PPTC7: variants seen among roughly 807,000 people sequenced by gnomAD.
PPTC7 encodes protein phosphatase PTC7 homolog.
In PPTC7, 6 loss-of-function variants were observed where a neutral mutation model predicts 30.8. The observed-to-expected ratio is 0.19, with a 90% CI of 0.11 to 0.38. The LOEUF is 0.38. Ranked by LOEUF, PPTC7 falls within the 10% of genes least tolerant of loss-of-function variation. The pLI is 1.00. For missense variants in PPTC7, 218 were observed against 404.8 expected (o/e 0.54, Z 3.96); for synonymous variants, 163 against 168.1 (o/e 0.97, Z 0.23).
chr12:110,577,654 G>A (rs1219537166), intron 1 of PPTC7, among the ~76,000 whole-genome samples: 4 of 152,178 alleles, frequency 2.6e-5, no homozygotes, highest in Admixed American at 6.5e-5. Context: ...TCCTGACCAC[G>A]ATCAAAATCA....
In PPTC7 at chr12:110,567,224, C is replaced by A. The variant is rs191174397; in HGVS notation, c.224-15256G>T. Among the ~76,000 whole-genome samples the A allele has an allele frequency of 2.1e-3, 318 of 152,330 alleles. 2 individuals are homozygous for A. Among genetic ancestry groups the A allele is most frequent in the Non-Finnish European group, 2.3e-3 (154 of 68,024 alleles). On this transcript the variant is annotated intron_variant, in intron 1 of 5. Coordinates refer to ENST00000354300, the MANE Select transcript of PPTC7 (RefSeq NM_139283.2). ...TAGTACCTGGCTCAATGATTCCCCA[C>A]CCTTGCTGCACAATGAGATTACCTA...
chr12:110,554,332 C>T (rs1190980561), intron 1 of PPTC7, among the ~76,000 whole-genome samples: 1 of 152,092 alleles, frequency 6.6e-6, no homozygotes, highest in Non-Finnish European at 1.5e-5. Context: ...TGCCACCACA[C>T]CCAGCTAGTT....
intron 1 of PPTC7, among the ~76,000 whole-genome samples, chr12:110,569,035 C>T (rs1044367936): frequency 5.7e-5 from 8 of 140,116 alleles, no homozygotes; most frequent in African/African-American, 1.9e-4. Context: ...TGTCCCCGCC[C>T]CCCCCCCTCA....
At chr12:110,546,709 T>C (rs1309989325) in intron 2 of PPTC7, 1 of 154,004 alleles carries the variant, frequency 6.5e-6, no homozygotes, top group Admixed American at 6.4e-5. Flanking sequence ...ATAGCTTTGC[T>C]GTGCACGGGC....
intron 1 of PPTC7, among the ~76,000 whole-genome samples, chr12:110,569,170 T>G (rs578087665): frequency 6.6e-6 from 1 of 151,546 alleles, no homozygotes; most frequent in South Asian, 2.1e-4. Flanking sequence ...CCATCTCTAC[T>G]AAAAATACAA....
chr12:110,582,145 G>C (rs570405968), intron 1 of PPTC7, among the ~76,000 whole-genome samples: 55 of 152,274 alleles, frequency 3.6e-4, no homozygotes, highest in Admixed American at 3.1e-3. Context: ...CTACAAGTAG[G>C]CTCGACCATT....
At chr12:110,560,681 G>C (rs948374067) in intron 1 of PPTC7, among the ~76,000 whole-genome samples, 3 of 152,184 alleles carry the variant, frequency 2.0e-5, no homozygotes, top group Admixed American at 2.0e-4. Flanking sequence ...AGAACGCGAT[G>C]CCTAGAGAAT....
intron 1 of PPTC7, among the ~76,000 whole-genome samples, chr12:110,572,407 C>A (rs1046401724): frequency 1.3e-5 from 2 of 152,178 alleles, no homozygotes; most frequent in Non-Finnish European, 2.9e-5. Flanking sequence ...CGCCATTGCA[C>A]TCCTGCCTGG....
At chr12:110,576,527 C>T (rs1052598639) in intron 1 of PPTC7, among the ~76,000 whole-genome samples, 1 of 152,140 alleles carries the variant, frequency 6.6e-6, no homozygotes, top group African/African-American at 2.4e-5. Flanking sequence ...TATAATGGAA[C>T]ATTATTCAGT....
chr12:110,577,073 A>G (rs1198571670), intron 1 of PPTC7, among the ~76,000 whole-genome samples: 1 of 151,396 alleles, frequency 6.6e-6, no homozygotes, highest in East Asian at 1.9e-4. Context: ...AGGCTGAGGC[A>G]GAAGAACTGT....
chr12:110,578,815 C>T (rs2064610661), intron 1 of PPTC7, among the ~76,000 whole-genome samples: 1 of 152,148 alleles, frequency 6.6e-6, no homozygotes, highest in Non-Finnish European at 1.5e-5. Flanking sequence ...GTAACTCCAA[C>T]CTCTAGAGTT....
chr12:110,533,525 G>T lies in PPTC7; in HGVS notation c.*3512C>A, dbSNP rs940444309. 1 of 152,134 alleles carries T rather than the reference G, an allele frequency of 6.6e-6. No individual in the cohort carries two copies. The highest frequency in any genetic ancestry group is 6.5e-5 in the Admixed American group (1 of 15,278). 9.4% of individuals were successfully genotyped at this position (152,134 alleles called of 1,614,324 possible). A position where few individuals can be genotyped will look rare whatever the true frequency, so the allele number is the denominator to read the frequency against. The stretch of plus-strand genomic sequence containing the variant: ...TAGTTGAGAAGTTCAATTTTGCAAA[G>T]AATTTAATTTTAAATAAATAGAATC... On this transcript the variant is annotated 3_prime_UTR_variant, in exon 6 of 6. Transcript: ENST00000354300.
chr12:110,569,790 G>A lies in PPTC7; in HGVS notation c.223+13019C>T, dbSNP rs998721822. On this transcript the variant is annotated intron_variant, in intron 1 of 5. Transcript: ENST00000354300. ...TCCCAATTTATCTCTTGTCCTTATT[G>A]CACTGCCACATGTATATTTCCAGTG... is the stretch of plus-strand genomic sequence containing the variant. Among the ~76,000 whole-genome samples, 4 of 152,070 alleles carry A rather than the reference G, an allele frequency of 2.6e-5. No homozygotes were observed. In the East Asian group the frequency reaches 5.8e-4, roughly 22 times the overall value.
At chr12:110,548,221 TAC>T (rs1392582299) in intron 2 of PPTC7, among the ~76,000 whole-genome samples, 10 of 152,084 alleles carry the variant, frequency 6.6e-5, no homozygotes, top group South Asian at 2.1e-4. Context: ...TATGCACACA[TAC>T]ACACAGAAAA....
At chr12:110,548,169 G>A (rs1435640097) in intron 2 of PPTC7, among the ~76,000 whole-genome samples, 1 of 151,350 alleles carries the variant, frequency 6.6e-6, no homozygotes, top group African/African-American at 2.4e-5. Flanking sequence ...TCATGGGGCT[G>A]TTGTGGGCAC....
chr12:110,577,361 A>C (rs2064598764), intron 1 of PPTC7, among the ~76,000 whole-genome samples: 1 of 152,076 alleles, frequency 6.6e-6, no homozygotes, highest in South Asian at 2.1e-4. Flanking sequence ...ACATGGCTTG[A>C]AATCTAGCTG....
At chr12:110,566,431 ACAAGATGTGCTAAG>A (rs2064483576) in intron 1 of PPTC7, among the ~76,000 whole-genome samples, 1 of 152,194 alleles carries the variant, frequency 6.6e-6, no homozygotes, top group African/African-American at 2.4e-5. Context: ...CAGCCCCAGA[ACAAGATGTGCTAAG>A]CATGGCCTTG....
At chr12:110,564,879 G>GTATATGTGTATATATACATTGT (rs1555215308) in intron 1 of PPTC7, among the ~76,000 whole-genome samples, 47 of 122,852 alleles carry the variant, frequency 3.8e-4, no homozygotes, top group Non-Finnish European at 5.2e-4. Context: ...TATATACATT[G>GTATATGTGTATATATACATTGT]TTTTTTTTTT....
In PPTC7 at chr12:110,534,922, T is replaced by C; in HGVS notation, c.*2115A>G. The C allele has an allele frequency of 6.5e-6, 1 of 152,742 alleles. No individual in the cohort carries two copies. The allele number at this position is 152,742 out of a possible 1,614,324, so 9.5% of individuals were successfully genotyped here. ...CTTACCAGGAATTAAATGTAGGCGTTGGAAAATGAATGCAAAATATATCCA... is the reference window on the plus strand; with the variant it reads ...CTTACCAGGAATTAAATGTAGGCGTCGGAAAATGAATGCAAAATATATCCA... On this transcript the variant is annotated 3_prime_UTR_variant, in exon 6 of 6. Coordinates refer to ENST00000354300, the MANE Select transcript of PPTC7 (RefSeq NM_139283.2).
Sources: gnomAD v4.1 joint callset for allele counts (sites outside exome capture counted in the v4.1 genomes callset) on GRCh38, gnomAD v4.1.1 for gene constraint, MANE v1.5 for transcripts, NCBI Gene and HGNC (gene_info 2026-07-23, HGNC 2026-07-21) for gene names.